Variants in FETUB observed in about 807,000 individuals in gnomAD.
FETUB encodes fetuin-B.
FETUB carries 28 observed loss-of-function variants against 30.9 expected under a neutral mutation model. That is an observed-to-expected ratio of 0.90 (90% CI 0.67 to 1.24). The LOEUF (loss-of-function observed/expected upper bound fraction) is 1.24. FETUB is among the 50% of genes most tolerant of loss of function. The pLI is 0.00. For missense variants in FETUB, 469 were observed against 455.3 expected (o/e 1.03, Z -0.27); for synonymous variants, 186 against 175.9 (o/e 1.06, Z -0.45).
intron 5 of FETUB, among the ~76,000 whole-genome samples, chr3:186,647,434 C>T (rs907631415): frequency 6.6e-6 from 1 of 152,138 alleles, no homozygotes. Context: ...ACTGTGAATG[C>T]ATCAGTTTTG....
intron 5 of FETUB, among the ~76,000 whole-genome samples, chr3:186,649,885 A>G (rs1261941724): frequency 6.6e-6 from 1 of 152,066 alleles, no homozygotes; most frequent in Non-Finnish European, 1.5e-5. Context: ...AAGTGAGAAC[A>G]TGTGGTTTTT....
At chr3:186,650,170 T>TGGG (rs10618470) in intron 5 of FETUB, among the ~76,000 whole-genome samples, 78 of 65,524 alleles carry the variant, frequency 1.2e-3, no homozygotes, top group Non-Finnish European at 1.7e-3. Context: ...TTGGCGGGGG[T>TGGG]GGGGGGGGGG....
At chr3:186,650,032 A>G (rs1442473303) in intron 5 of FETUB, among the ~76,000 whole-genome samples, 2 of 150,488 alleles carry the variant, frequency 1.3e-5, no homozygotes, top group African/African-American at 2.4e-5. Context: ...ACACACACAC[A>G]TGCACATCAC....
chr3:186,640,448 T>A lies in FETUB; in HGVS notation c.-13T>A. On this transcript the variant is annotated 5_prime_UTR_variant, in exon 1 of 7. Coordinates refer to ENST00000265029, the MANE Select transcript of FETUB (RefSeq NM_014375.3). Reference sequence around the variant, plus strand: ...CCACAAACTGACCCATCCTGGGCCTTGTTCTCCACAGAATGGGTCTGCTCC... The same window carrying A: ...CCACAAACTGACCCATCCTGGGCCTAGTTCTCCACAGAATGGGTCTGCTCC... 6.2e-7 allele frequency: 1 copy of A among 1,609,114 alleles called. No individual in the cohort carries two copies. The highest frequency in any genetic ancestry group is 8.5e-7 in the Non-Finnish European group (1 of 1,175,438).
intron 5 of FETUB, 60 bp downstream of exon 5, chr3:186,646,409 T>C: frequency 7.8e-7 from 1 of 1,278,772 alleles, no homozygotes; most frequent in Non-Finnish European, 1.1e-6. Flanking sequence ...TAAGTGTTTG[T>C]GGAGCATAAA....
At chr3:186,643,225 G>A (rs1033255145) in intron 3 of FETUB, among the ~76,000 whole-genome samples, 1 of 152,094 alleles carries the variant, frequency 6.6e-6, no homozygotes, top group Non-Finnish European at 1.5e-5. Context: ...CCCTTCCTCA[G>A]TTCCCACCAA....
chr3:186,640,618 A>T lies in FETUB; in HGVS notation c.158A>T (p.Asn53Ile). 1 of 1,614,196 alleles carries T rather than the reference A, an allele frequency of 6.2e-7. No individual in the cohort carries two copies. The highest frequency in any genetic ancestry group is 2.2e-5 in the East Asian group (1 of 44,882). Residue 53 changes from asparagine to isoleucine, a missense_variant, in exon 1 of 7, where the codon AAC becomes ATC. By Grantham distance (149) the Asn-to-Ile change is moderately radical (BLOSUM62 -3). Coordinates refer to ENST00000265029, the MANE Select transcript of FETUB (RefSeq NM_014375.3). ...GCAGGCTTTGCCCTGCGGGATATTA[A>T]CAAAGACAGAAAGGATGGCTATGTG... is the stretch of plus-strand genomic sequence containing the variant. Reference protein sequence around the residue: ...AVAGFALRDINKDRKDGYVLR... With the variant: ...AVAGFALRDIIKDRKDGYVLR...
At chr3:186,649,556 C>T (rs1209946065) in intron 5 of FETUB, among the ~76,000 whole-genome samples, 3 of 152,088 alleles carry the variant, frequency 2.0e-5, no homozygotes, top group Admixed American at 6.6e-5. Flanking sequence ...TGCAAACCTC[C>T]ACCTCCTGGG....
chr3:186,645,951 T>C (rs941487277), intron 4 of FETUB, among the ~76,000 whole-genome samples: 1 of 151,968 alleles, frequency 6.6e-6, no homozygotes, highest in African/African-American at 2.4e-5. Flanking sequence ...GGTCTTGATC[T>C]CCTGACCTCG....
At chr3:186,651,370 C>A in intron 6 of FETUB, 69 bp downstream of exon 6, 1 of 1,005,656 alleles carries the variant, frequency 9.9e-7, no homozygotes, top group Non-Finnish European at 1.6e-6. Context: ...CCTGCCACTA[C>A]CTTACCCCCT....
chr3:186,645,801 A>G (rs941546159), intron 4 of FETUB, among the ~76,000 whole-genome samples: 2 of 130,788 alleles, frequency 1.5e-5, no homozygotes, highest in African/African-American at 3.0e-5. Context: ...ATCTTGGCTC[A>G]CTGCAACCTC....
intron 2 of FETUB, 136 bp from the exon 3 acceptor site, chr3:186,642,335 C>T (rs1283904086): frequency 1.6e-6 from 1 of 621,260 alleles, no homozygotes; most frequent in East Asian, 2.8e-5. Context: ...ACTGCAGTTC[C>T]TCCCAGCCAA....
chr3:186,647,334 G>A (rs898145301), intron 5 of FETUB, among the ~76,000 whole-genome samples: 4 of 152,050 alleles, frequency 2.6e-5, no homozygotes, highest in South Asian at 2.1e-4. Flanking sequence ...CATTTCTCTC[G>A]AGTATATACC....
intron 5 of FETUB, 120 bp downstream of exon 5, chr3:186,646,469 A>G: frequency 1.4e-6 from 1 of 740,016 alleles, no homozygotes. Flanking sequence ...CCCCTCAAGG[A>G]GCATCTGACT....
intron 6 of FETUB, chr3:186,651,684 A>G (rs1718052439): frequency 4.6e-6 from 1 of 215,188 alleles, no homozygotes. Context: ...GTAGCCTGGT[A>G]TATTTGAGAG....
Position 186,652,328 on chromosome 3 carries a change from A to G in FETUB, c.846A>G (p.Glu282=). The change falls in exon 7 of 7, where the codon GAA becomes GAG. Residue 282 remains glutamate, a synonymous_variant. Transcript: ENST00000265029. ...NQKPTNLPKV[E]ESQQKNTPPT... Reference sequence around the variant, plus strand: ...AACCTACAAACCTTCCCAAGGTGGAAGAATCCCAGCAGAAAAACACCCCCC... The same window carrying G: ...AACCTACAAACCTTCCCAAGGTGGAGGAATCCCAGCAGAAAAACACCCCCC... 1.2e-6 allele frequency: 2 copies of G among 1,607,712 alleles called. No individual in the cohort carries two copies. The highest frequency in any genetic ancestry group is 1.7e-6 in the Non-Finnish European group (2 of 1,178,074).
chr3:186,640,538 C>T lies in FETUB; in HGVS notation c.78C>T (p.Leu26=). 6.2e-7 allele frequency: 1 copy of T among 1,614,238 alleles called. No homozygotes were observed. The highest frequency in any genetic ancestry group is 8.5e-7 in the Non-Finnish European group (1 of 1,180,042). ...CGAMSPPQLA[L]NPSALLSRGC... Reference sequence around the variant, plus strand: ...CAATGTCTCCACCCCAGCTGGCCCTCAACCCCTCGGCTCTGCTCTCCCGGG... The same window carrying T: ...CAATGTCTCCACCCCAGCTGGCCCTTAACCCCTCGGCTCTGCTCTCCCGGG... Residue 26 remains leucine, a synonymous_variant, in exon 1 of 7, where the codon CTC becomes CTT. Coordinates refer to ENST00000265029, the MANE Select transcript of FETUB (RefSeq NM_014375.3).
chr3:186,644,500 A>T (rs1717328391), intron 3 of FETUB, among the ~76,000 whole-genome samples: 1 of 152,202 alleles, frequency 6.6e-6, no homozygotes, highest in Admixed American at 6.5e-5. Context: ...ATTTTAATAT[A>T]CTATATTATG....
chr3:186,637,595 C>A (rs1463431800), upstream of FETUB, among the ~76,000 whole-genome samples: 1 of 152,256 alleles, frequency 6.6e-6, no homozygotes, highest in East Asian at 1.9e-4. Context: ...CTGCCTCTCC[C>A]TCCTCACTCA....
Sources: gnomAD v4.1 joint callset for allele counts (sites outside exome capture counted in the v4.1 genomes callset) on GRCh38, gnomAD v4.1.1 for gene constraint, MANE v1.5 for transcripts, NCBI Gene and HGNC (gene_info 2026-07-23, HGNC 2026-07-21) for gene names.